The following KRT34 variants were observed in gnomAD, a reference collection of about 807,000 sequenced individuals.
KRT34 encodes keratin, type I cuticular Ha4.
In KRT34, 31 loss-of-function variants were observed where a neutral mutation model predicts 41.7. The ratio of observed to expected loss-of-function variants is 0.74; its 90% CI spans 0.56 to 1.00. The LOEUF is 1.00. KRT34 is among the 50% of genes least tolerant of loss of function. KRT34 has a pLI of 0.00. For missense variants in KRT34, 523 were observed against 500.3 expected, an observed-to-expected ratio of 1.05 and a Z score of -0.43; for synonymous variants, 224 against 212.9, an observed-to-expected ratio of 1.05 and a Z score of -0.45.
chr17:41,383,431 C>A (rs539185358), upstream of KRT34, among the ~76,000 whole-genome samples: 16 of 152,264 alleles, frequency 1.1e-4, no homozygotes, highest in African/African-American at 3.9e-4. Flanking sequence ...ATAGTGTCCA[C>A]AAAGCCCTAA....
Position 41,382,248 on chromosome 17 carries a change from G to A in KRT34, c.-2C>T. On this transcript the variant is annotated 5_prime_UTR_variant, in exon 1 of 7. Transcript: ENST00000394001. ...GGGCAGGCAACAACTGTAAGACATG[G>A]TGCTGGAACAGGTAATGGAAAAGCA... 6.2e-7 allele frequency: 1 copy of A among 1,612,876 alleles called. No individual in the cohort carries two copies.
At chr17:41,381,498 A>G (rs537253045) in intron 2 of KRT34, among the ~76,000 whole-genome samples, 1 of 152,280 alleles carries the variant, frequency 6.6e-6, no homozygotes, top group East Asian at 1.9e-4. Flanking sequence ...ATTCATTTCA[A>G]TCTCTGAATT....
In KRT34 at chr17:41,381,696, C is replaced by T. The variant is rs1215072138; in HGVS notation, c.431+17G>A. The T allele has an allele frequency of 2.5e-6, 4 of 1,611,824 alleles. No individual in the cohort carries two copies. In the East Asian group the frequency reaches 8.9e-5, roughly 36 times the overall value. ...AGGGCCATGAAAGAACCATAGGGAC[C>T]TTGAAGTTCAACATACTTGCTTCTG... On this transcript the variant is annotated intron_variant, in intron 2 of 6. Coordinates refer to ENST00000394001, the MANE Select transcript of KRT34 (RefSeq NM_001386014.1).
upstream of KRT34, chr17:41,382,348 T>C (rs112475590): frequency 1.9e-4 from 310 of 1,612,344 alleles, 2 homozygotes; most frequent in African/African-American, 2.9e-3. Flanking sequence ...CCATTAATTG[T>C]GGGTGGGGGC....
upstream of KRT34, among the ~76,000 whole-genome samples, chr17:41,383,102 C>A (rs2018028940): frequency 6.6e-6 from 1 of 151,904 alleles, no homozygotes; most frequent in Non-Finnish European, 1.5e-5. Context: ...TCACTGCAAC[C>A]TCCACCTCCC....
chr17:41,381,119 G>T lies in KRT34; in HGVS notation c.525C>A (p.Asp175Glu). The change falls in exon 3 of 7, where the codon GAC becomes GAA. Residue 175 changes from aspartate (D) to glutamate (E), a missense_variant. Transcript: ENST00000394001. ...TCAGGGACTCCACCTGGGACTCCAG[G>T]TCAGACTTGCAGAGGGTCAGCTCAT... Reference protein sequence around the residue: ...ILDELTLCKSDLESQVESLRE... With the variant: ...ILDELTLCKSELESQVESLRE... 1 of 1,614,102 alleles carries T rather than the reference G, an allele frequency of 6.2e-7. No individual in the cohort carries two copies. Among genetic ancestry groups the T allele is most frequent in the Non-Finnish European group, 8.5e-7 (1 of 1,179,980 alleles).
chr17:41,381,114 T>G lies in KRT34; in HGVS notation c.530A>C (p.Glu177Ala). The G allele has an allele frequency of 6.2e-7, 1 of 1,613,794 alleles. No homozygotes were observed. The highest frequency in any genetic ancestry group is 8.5e-7 in the Non-Finnish European group (1 of 1,179,664). ...CTCCCTCAGGGACTCCACCTGGGACTCCAGGTCAGACTTGCAGAGGGTCAG... is the reference window on the plus strand; with the variant it reads ...CTCCCTCAGGGACTCCACCTGGGACGCCAGGTCAGACTTGCAGAGGGTCAG... ...DELTLCKSDL[E>A]SQVESLREEL... The change falls in exon 3 of 7, where the codon GAG becomes GCG. Residue 177 changes from glutamate to alanine, a missense_variant. By Grantham distance (107) the Glu-to-Ala change is moderately radical. Coordinates refer to ENST00000394001, the MANE Select transcript of KRT34 (RefSeq NM_001386014.1).
chr17:41,380,999 G>C lies in KRT34; in HGVS notation c.588+57C>G, dbSNP rs1346865859. 8 of 1,530,772 alleles carry C rather than the reference G, an allele frequency of 5.2e-6. No homozygotes were observed. The Admixed American group carries it at 1.3e-4, about 26-fold the overall frequency. 94.8% of individuals were successfully genotyped at this position (1,530,772 alleles called of 1,614,324 possible). Reference sequence around the variant, plus strand: ...GGGATCCAGACAGTAATCCTCTCCTGATTCCCAGTGCTAGTAGCTTAGTTC... The same window carrying C: ...GGGATCCAGACAGTAATCCTCTCCTCATTCCCAGTGCTAGTAGCTTAGTTC... On this transcript the variant is annotated intron_variant, in intron 3 of 6. Coordinates refer to ENST00000394001, the MANE Select transcript of KRT34 (RefSeq NM_001386014.1).
At position 41,379,573 on chromosome 17, in the gene KRT34, C is replaced by T. The variant is rs759029766; in HGVS notation, c.747G>A (p.Thr249=). 1.9e-5 allele frequency: 30 copies of T among 1,613,708 alleles called. No individual in the cohort carries two copies. The highest frequency in any genetic ancestry group is 2.3e-5 in the Non-Finnish European group (27 of 1,179,836). The stretch of plus-strand genomic sequence containing the variant: ...GGCCATGTGCTTAGATGCCCACCTG[C>T]GTGGCGAACCATTGCTCCACTTCCC... ...NRREVEQWFA[T]QTEELNKQVV... The change falls in exon 4 of 7, where the codon ACG becomes ACA. Residue 249 remains threonine (T), a synonymous_variant. Coordinates refer to ENST00000394001, the MANE Select transcript of KRT34 (RefSeq NM_001386014.1).
At position 41,382,032 on chromosome 17, in the gene KRT34, T is replaced by C. The variant is rs911824010; in HGVS notation, c.215A>G (p.Glu72Gly). Residue 72 changes from glutamate (E) to glycine (G), a missense_variant, in exon 1 of 7, where the codon GAG (glutamate) becomes GGG (glycine). Coordinates refer to ENST00000394001, the MANE Select transcript of KRT34 (RefSeq NM_001386014.1). ...GTCCCGCTCCAGCTGACGCACCTTC[T>C]CCAGGTAGCTGGCCAGGCGGTCGTT... ...FLNDRLASYL[E>G]KVRQLERDNA... The C allele has an allele frequency of 2.5e-6, 4 of 1,614,114 alleles. No homozygotes were observed. The South Asian group carries it at 3.3e-5, about 13-fold the overall frequency.
upstream of KRT34, chr17:41,382,498 G>A: frequency 1.3e-6 from 1 of 794,680 alleles, no homozygotes. Flanking sequence ...CTCTTCCTGG[G>A]TGCTAGTGGT....
intron 3 of KRT34, among the ~76,000 whole-genome samples, chr17:41,380,236 T>A (rs1386251022): frequency 6.7e-6 from 1 of 149,396 alleles, no homozygotes; most frequent in Non-Finnish European, 1.5e-5. Context: ...TCCAGCCTGG[T>A]GACAGAGCAT....
At chr17:41,380,266 A>AAG (rs1555551496) in intron 3 of KRT34, among the ~76,000 whole-genome samples, 8 of 151,390 alleles carry the variant, frequency 5.3e-5, no homozygotes, top group Non-Finnish European at 1.0e-4. Context: ...AAAAAAAAAA[A>AAG]AGCACTAAAA....
intron 3 of KRT34, among the ~76,000 whole-genome samples, chr17:41,380,598 T>C (rs781280680): frequency 6.6e-6 from 1 of 152,164 alleles, no homozygotes; most frequent in Non-Finnish European, 1.5e-5. Context: ...GAGTTCCCTA[T>C]CTCCTCTTGG....
chr17:41,381,289 G>C (rs1434977086), intron 2 of KRT34, 77 bp from the exon 3 acceptor site: 3 of 1,462,198 alleles, frequency 2.1e-6, no homozygotes, highest in Non-Finnish European at 1.9e-6. Context: ...GGGTAGAATT[G>C]GCCTGAATCT....
At chr17:41,378,274 T>C in intron 6 of KRT34, 128 bp from the exon 7 acceptor site, 1 of 695,984 alleles carries the variant, frequency 1.4e-6, no homozygotes, top group Middle Eastern at 2.8e-4. Context: ...TCTTTTTGTT[T>C]TGTTTTGTTT....
rs1249636398 is a variant in KRT34 at position 41,379,119 on chromosome 17, A to G, written c.934T>C (p.Ser312Pro). Residue 312 changes from serine (S) to proline (P), a missense_variant, in exon 6 of 7, where the codon TCC becomes CCC. Coordinates refer to ENST00000394001, the MANE Select transcript of KRT34 (RefSeq NM_001386014.1). ...TTGGTGATCAGGCTCTGCACCTGGG[A>G]CAGCTGGGAGCTGTAGTGGGCCTCG... ...ESEAHYSSQL[S>P]QVQSLITNVE... The G allele has an allele frequency of 1.7e-5, 28 of 1,614,036 alleles. No individual in the cohort carries two copies. The East Asian group carries it at 6.2e-4, about 36-fold the overall frequency.
intron 3 of KRT34, among the ~76,000 whole-genome samples, chr17:41,380,572 T>C (rs1001179349): frequency 6.7e-6 from 1 of 148,798 alleles, no homozygotes; most frequent in African/African-American, 2.6e-5. Context: ...GGAATCCTCC[T>C]CTTTGCATCT....
At chr17:41,380,084 C>A (rs1468650505) in intron 3 of KRT34, among the ~76,000 whole-genome samples, 50 of 152,118 alleles carry the variant, frequency 3.3e-4, no homozygotes. Flanking sequence ...CATGGTGAAA[C>A]CCCATCTCTA....
Sources: gnomAD v4.1 joint callset for allele counts (sites outside exome capture counted in the v4.1 genomes callset) on GRCh38, gnomAD v4.1.1 for gene constraint, MANE v1.5 for transcripts, NCBI Gene and HGNC (gene_info 2026-07-23, HGNC 2026-07-21) for gene names.